Variants in STK39 observed in about 807,000 individuals in gnomAD.
STK39 encodes the protein serine/threonine kinase 39.
In STK39, 20 loss-of-function variants were observed where a neutral mutation model predicts 77.8. The ratio of observed to expected loss-of-function variants is 0.26; its 90% CI spans 0.18 to 0.37. The LOEUF (loss-of-function observed/expected upper bound fraction) is 0.37. Ranked by LOEUF, STK39 falls within the 10% of genes least tolerant of loss-of-function variation. STK39 has a pLI of 1.00. For missense variants in STK39, 479 were observed against 656.5 expected, an observed-to-expected ratio of 0.73 and a Z score of 2.95; for synonymous variants, 246 against 234.1, an observed-to-expected ratio of 1.05 and a Z score of -0.47.
At chr2:168,095,092 T>C (rs1686627050) in intron 10 of STK39, among the ~76,000 whole-genome samples, 1 of 152,148 alleles carries the variant, frequency 6.6e-6, no homozygotes, top group African/African-American at 2.4e-5. Context: ...GGCCTAGCTG[T>C]CTTTAACAGC....
intron 10 of STK39, among the ~76,000 whole-genome samples, chr2:168,096,375 C>T (rs1355499745): frequency 1.3e-5 from 2 of 152,184 alleles, no homozygotes; most frequent in African/African-American, 4.8e-5. Context: ...AAGTCTCAGT[C>T]TCTTCACCTG....
chr2:168,101,058 C>T (rs1054215868), intron 10 of STK39, among the ~76,000 whole-genome samples: 6 of 152,034 alleles, frequency 3.9e-5, no homozygotes, highest in East Asian at 1.9e-4. Flanking sequence ...TCCTTTGCAG[C>T]GACACAGATG....
intron 3 of STK39, 29 bp from the exon 4 acceptor site, chr2:168,163,909 A>G (rs1559128163): frequency 1.2e-6 from 2 of 1,606,090 alleles, no homozygotes; most frequent in East Asian, 2.2e-5. Context: ...GAATTAAAAC[A>G]TAAGCACCTT....
At chr2:168,072,302 G>A (rs1685961344) in intron 12 of STK39, among the ~76,000 whole-genome samples, 2 of 152,162 alleles carry the variant, frequency 1.3e-5, no homozygotes, top group Non-Finnish European at 2.9e-5. Context: ...TAGTTACAGG[G>A]GTGAAAAGGG....
chr2:168,186,837 G>A (rs1350109305), intron 1 of STK39, among the ~76,000 whole-genome samples: 1 of 152,178 alleles, frequency 6.6e-6, no homozygotes, highest in African/African-American at 2.4e-5. Flanking sequence ...TCAGAACTGA[G>A]TTTCATTTTG....
At position 168,137,990 on chromosome 2, in the gene STK39, ACCTTTCCAGTGTCCTCACAAAG is replaced by A; in HGVS notation, c.974+76_974+97del. On this transcript the variant is annotated intron_variant, in intron 8 of 17. Coordinates refer to ENST00000355999, the MANE Select transcript of STK39 (RefSeq NM_013233.3). ...CAGCAGGGTTTCCCAGACAAGAAAT[ACCTTTCCAGTGTCCTCACAAAG>A]CCTTTCCCCATCTACAAACAAAGCT... 2.1e-6 allele frequency: 3 copies of A among 1,460,916 alleles called. No homozygotes were observed. In the South Asian group the frequency reaches 4.6e-5, roughly 23 times the overall value. The allele number at this position is 1,460,916 out of a possible 1,614,324, so 90.5% of individuals were successfully genotyped here.
At chr2:168,225,843 CT>C (rs1363646077) in intron 1 of STK39, among the ~76,000 whole-genome samples, 1 of 152,156 alleles carries the variant, frequency 6.6e-6, no homozygotes, top group South Asian at 2.1e-4. Flanking sequence ...CAGGCAGGAA[CT>C]TCCGATGCTA....
chr2:168,225,774 A>T (rs1370322796), intron 1 of STK39, among the ~76,000 whole-genome samples: 1 of 152,194 alleles, frequency 6.6e-6, no homozygotes, highest in Non-Finnish European at 1.5e-5. Context: ...TTACTTACCT[A>T]AGAGCAGTAT....
chr2:168,031,541 CG>C (rs1462239974), intron 14 of STK39, among the ~76,000 whole-genome samples: 7 of 152,204 alleles, frequency 4.6e-5, no homozygotes, highest in South Asian at 2.1e-4. Flanking sequence ...AGAATGTGAC[CG>C]TATTTGGGGA....
At chr2:167,956,358 A>G (rs1691763348) in intron 17 of STK39, among the ~76,000 whole-genome samples, 1 of 152,138 alleles carries the variant, frequency 6.6e-6, no homozygotes, top group Admixed American at 6.5e-5. Context: ...GGAGATCGAG[A>G]CCATCCTGGC....
intron 16 of STK39, among the ~76,000 whole-genome samples, chr2:167,979,858 C>T (rs1334668961): frequency 6.6e-6 from 1 of 152,180 alleles, no homozygotes; most frequent in East Asian, 1.9e-4. Flanking sequence ...TGATATGACA[C>T]AGGGAATCCA....
chr2:167,988,829 T>C (rs996906681), intron 16 of STK39, among the ~76,000 whole-genome samples: 1 of 152,254 alleles, frequency 6.6e-6, no homozygotes, highest in Non-Finnish European at 1.5e-5. Context: ...AGAAAGCATA[T>C]GGAACAAAGA....
At chr2:168,034,486 A>G (rs1309092944) in intron 14 of STK39, among the ~76,000 whole-genome samples, 2 of 152,214 alleles carry the variant, frequency 1.3e-5, no homozygotes, top group East Asian at 3.8e-4. Flanking sequence ...CTGACGAAAA[A>G]AGGGATGGAA....
intron 5 of STK39, among the ~76,000 whole-genome samples, chr2:168,143,471 G>T (rs768007326): frequency 1.1e-4 from 16 of 152,330 alleles, no homozygotes; most frequent in South Asian, 2.1e-4. Context: ...CCAGCACTTT[G>T]GGAGGCCAAT....
At chr2:167,972,106 G>A (rs1352991724) in intron 16 of STK39, among the ~76,000 whole-genome samples, 2 of 152,318 alleles carry the variant, frequency 1.3e-5, no homozygotes, top group South Asian at 2.1e-4. Context: ...GCTACAGTGT[G>A]GCAAGCAGGG....
At chr2:168,223,885 G>GA (rs1245272658) in intron 1 of STK39, among the ~76,000 whole-genome samples, 1 of 151,984 alleles carries the variant, frequency 6.6e-6, no homozygotes, top group Non-Finnish European at 1.5e-5. Context: ...TGGTATGGAG[G>GA]AAAAAATCCC....
intron 8 of STK39, among the ~76,000 whole-genome samples, chr2:168,133,694 T>A (rs566898070): frequency 4.2e-4 from 64 of 152,058 alleles, no homozygotes; most frequent in African/African-American, 1.5e-3. Context: ...CCCATCTCTG[T>A]TAAAAATACA....
chr2:168,076,394 C>T lies in STK39; in HGVS notation c.1090-1163G>A, dbSNP rs143617330. ...CTGAAAGACTATGATGTGAAGAAAG[C>T]CTACTTTTTATAATAGACACTATTT... On this transcript the variant is annotated intron_variant, in intron 10 of 17. Coordinates refer to ENST00000355999, the MANE Select transcript of STK39 (RefSeq NM_013233.3). Among the ~76,000 whole-genome samples, 173 of 152,280 alleles carry T rather than the reference C, an allele frequency of 1.1e-3. 1 individual carries two copies. The highest frequency in any genetic ancestry group is 4.0e-3 in the African/African-American group (168 of 41,556).
intron 10 of STK39, among the ~76,000 whole-genome samples, chr2:168,117,490 A>C (rs552996276): frequency 6.6e-6 from 1 of 152,330 alleles, no homozygotes; most frequent in South Asian, 2.1e-4. Flanking sequence ...ACAGAAGGTA[A>C]AACTAGCAGA....
Sources: gnomAD v4.1 joint callset for allele counts (sites outside exome capture counted in the v4.1 genomes callset) on GRCh38, gnomAD v4.1.1 for gene constraint, MANE v1.5 for transcripts, NCBI Gene and HGNC (gene_info 2026-07-23, HGNC 2026-07-21) for gene names.